C1QTNF3: variants seen among roughly 807,000 people sequenced by gnomAD.
C1QTNF3 encodes C1q and TNF related 3.
A neutral mutation model predicts 32.6 loss-of-function variants in C1QTNF3; 26 were observed. The observed-to-expected ratio is 0.80, with a 90% CI of 0.58 to 1.11. The LOEUF is 1.11. C1QTNF3 is among the 50% of genes least tolerant of loss of function. The probability of loss-of-function intolerance (pLI) is 0.00; values close to 1 mark genes in which losing one functional copy is unlikely to be tolerated. For missense variants in C1QTNF3, 362 were observed against 398.2 expected, an observed-to-expected ratio of 0.91 and a Z score of 0.77; for synonymous variants, 155 against 146.0, an observed-to-expected ratio of 1.06 and a Z score of -0.44.
chr5:34,060,799 G>A, the C1QTNF3 span, among the ~76,000 whole-genome samples: 134 of 152,232 alleles, frequency 8.8e-4, 1 homozygote, highest in African/African-American at 3.1e-3. Context: ...TCTACAACAT[G>A]TGGGAATCCA....
chr5:34,043,386 A>G, upstream of C1QTNF3: 1 of 490,652 alleles, frequency 2.0e-6, no homozygotes, highest in Non-Finnish European at 3.7e-6. Flanking sequence ...CGAAATTCAT[A>G]AATGTCACAC....
chr5:34,222,094 G>C, the C1QTNF3 span, among the ~76,000 whole-genome samples: 2 of 151,760 alleles, frequency 1.3e-5, no homozygotes, highest in African/African-American at 2.4e-5. Flanking sequence ...TCTATCTTTT[G>C]GCAATGTTGA....
chr5:34,233,983 TA>T, the C1QTNF3 span, among the ~76,000 whole-genome samples: 5 of 152,136 alleles, frequency 3.3e-5, no homozygotes, highest in Non-Finnish European at 7.4e-5. Flanking sequence ...TTTTCTTATT[TA>T]AAAAAATCAG....
At chr5:34,188,274 T>C in the C1QTNF3 span, among the ~76,000 whole-genome samples, 24 of 152,026 alleles carry the variant, frequency 1.6e-4, no homozygotes, top group African/African-American at 5.3e-4. Flanking sequence ...GCTAGGGCAG[T>C]GTCAAAGGGA....
At chr5:34,082,407 C>G in the C1QTNF3 span, among the ~76,000 whole-genome samples, 1 of 151,454 alleles carries the variant, frequency 6.6e-6, no homozygotes, top group African/African-American at 2.5e-5. Flanking sequence ...CTTGGAGAAG[C>G]CTCCCATACT....
At chr5:34,117,448 C>T in the C1QTNF3 span, among the ~76,000 whole-genome samples, 1 of 152,036 alleles carries the variant, frequency 6.6e-6, no homozygotes, top group Non-Finnish European at 1.5e-5. Flanking sequence ...GGTGTTACAA[C>T]CCCAACAAAC....
chr5:34,130,675 G>A, the C1QTNF3 span, among the ~76,000 whole-genome samples: 1 of 152,362 alleles, frequency 6.6e-6, no homozygotes, highest in East Asian at 1.9e-4. Flanking sequence ...CTTTCATGGT[G>A]AACCACATAT....
At chr5:34,075,876 G>GGT in the C1QTNF3 span, among the ~76,000 whole-genome samples, 1,444 of 147,014 alleles carry the variant, frequency 9.8e-3, 38 homozygotes, top group African/African-American at 0.023. Context: ...AAACAATTAT[G>GGT]GTGTGTGTGT....
the C1QTNF3 span, among the ~76,000 whole-genome samples, chr5:34,177,999 G>T: frequency 2.0e-5 from 3 of 151,500 alleles, no homozygotes; most frequent in African/African-American, 7.3e-5. Flanking sequence ...GGGCATGGTG[G>T]CTCATGCCTG....
the C1QTNF3 span, among the ~76,000 whole-genome samples, chr5:34,184,247 GA>G: frequency 0.59 from 87,352 of 148,278 alleles, 24,383 homozygotes; most frequent in Non-Finnish European, 0.68. Context: ...AAATTTACAA[GA>G]AAAAAAAAAT....
At chr5:34,197,804 G>A in the C1QTNF3 span, among the ~76,000 whole-genome samples, 2 of 151,944 alleles carry the variant, frequency 1.3e-5, no homozygotes, top group Non-Finnish European at 2.9e-5. Flanking sequence ...TAATGGTACC[G>A]GCGGCTGGAT....
chr5:34,232,047 T>G, the C1QTNF3 span, among the ~76,000 whole-genome samples: 1 of 137,018 alleles, frequency 7.3e-6, no homozygotes, highest in African/African-American at 2.8e-5. Flanking sequence ...AGCCCAGATA[T>G]TGCATCAGTA....
chr5:34,244,217 G>T, the C1QTNF3 span, among the ~76,000 whole-genome samples: 1 of 152,076 alleles, frequency 6.6e-6, no homozygotes, highest in Non-Finnish European at 1.5e-5. Flanking sequence ...AGGGACCTGT[G>T]GATTATGTGC....
the C1QTNF3 span, among the ~76,000 whole-genome samples, chr5:34,228,232 C>T: frequency 1.3e-5 from 2 of 151,864 alleles, no homozygotes; most frequent in African/African-American, 4.8e-5. Flanking sequence ...AAGTTAGTAA[C>T]AGCTAAACCA....
chr5:34,091,351 A>C, the C1QTNF3 span, among the ~76,000 whole-genome samples: 1 of 152,250 alleles, frequency 6.6e-6, no homozygotes, highest in East Asian at 1.9e-4. Context: ...TTTATGTGGG[A>C]ATGTGCTTTC....
the C1QTNF3 span, among the ~76,000 whole-genome samples, chr5:34,055,223 C>A: frequency 1.3e-5 from 2 of 152,162 alleles, no homozygotes; most frequent in Non-Finnish European, 2.9e-5. Flanking sequence ...TCATTTATTC[C>A]AAATTCCTGG....
chr5:34,197,874 T>G, the C1QTNF3 span, among the ~76,000 whole-genome samples: 1 of 152,104 alleles, frequency 6.6e-6, no homozygotes, highest in Non-Finnish European at 1.5e-5. Context: ...TTTTAGTTCA[T>G]AGATTACTGT....
the C1QTNF3 span, among the ~76,000 whole-genome samples, chr5:34,146,716 G>T: frequency 6.6e-6 from 1 of 152,126 alleles, no homozygotes; most frequent in Non-Finnish European, 1.5e-5. Context: ...AATCCTAGAA[G>T]AAAACCTAGA....
chr5:34,084,205 C>T, the C1QTNF3 span, among the ~76,000 whole-genome samples: 77,586 of 151,424 alleles, frequency 0.51, 22,207 homozygotes, highest in Non-Finnish European at 0.63. Flanking sequence ...CTAATGGTGA[C>T]GTTCAGACAA....
Sources: allele counts gnomAD v4.1 joint callset (sites outside exome capture counted in the v4.1 genomes callset), GRCh38; gene constraint gnomAD v4.1.1; transcripts MANE v1.5; gene names NCBI Gene and HGNC (gene_info 2026-07-23, HGNC 2026-07-21).